CREB3L4: variants seen among roughly 807,000 people sequenced by gnomAD.
CREB3L4 encodes the protein cyclic AMP-responsive element-binding protein 3-like protein 4.
CREB3L4 carries 28 observed loss-of-function variants against 37.0 expected under a neutral mutation model. The ratio of observed to expected loss-of-function variants is 0.76; its 90% CI spans 0.56 to 1.04. The LOEUF (loss-of-function observed/expected upper bound fraction) is 1.04. CREB3L4 is among the 50% of genes least tolerant of loss of function. The probability of loss-of-function intolerance (pLI) is 0.00; values close to 1 mark genes in which losing one functional copy is unlikely to be tolerated. For missense variants in CREB3L4, 462 were observed against 486.0 expected (o/e 0.95, Z 0.46); for synonymous variants, 175 against 192.2 (o/e 0.91, Z 0.74).
rs1166060181 is a variant in CREB3L4 at position 153,972,697 on chromosome 1, G to A, written c.544-47G>A. ...GTAGCCTGGGTGCTGCAAATGGGAT[G>A]ACCCCCTCCTCACTCCTATTGCATC... is the stretch of plus-strand genomic sequence containing the variant. On this transcript the variant is annotated intron_variant, in intron 4 of 9. Transcript: ENST00000368607. The A allele has an allele frequency of 6.0e-6, 9 of 1,495,432 alleles. No individual in the cohort carries two copies. In the East Asian group the frequency reaches 1.1e-4, roughly 19 times the overall value. 92.6% of individuals were successfully genotyped at this position (1,495,432 alleles called of 1,614,324 possible).
chr1:153,971,695 CCAAA>C (rs914993305), intron 4 of CREB3L4, among the ~76,000 whole-genome samples: 72 of 150,910 alleles, frequency 4.8e-4, no homozygotes, highest in Admixed American at 2.3e-3. Context: ...AATAGTTCCA[CCAAA>C]CAGTCACAGG....
intron 4 of CREB3L4, among the ~76,000 whole-genome samples, chr1:153,971,193 C>T (rs1272424827): frequency 6.7e-6 from 1 of 150,258 alleles, no homozygotes. Flanking sequence ...CATGGTGAAA[C>T]CCCATCTCTA....
Position 153,969,115 on chromosome 1 carries a change from G to T in CREB3L4, c.360G>T (p.Gly120=), listed in dbSNP as rs1273423067. The T allele has an allele frequency of 9.3e-6, 15 of 1,614,094 alleles. No individual in the cohort carries two copies. In the South Asian group the frequency reaches 1.6e-4, roughly 18 times the overall value. ...PMLYEVVYEA[G]ALERMQGETG... is the part of the protein sequence containing the mutation. ...TCTATGAGGTTGTCTATGAGGCAGGGGCCCTGGAGAGGATGCAGGGGGAAA... is the reference window on the plus strand; with the variant it reads ...TCTATGAGGTTGTCTATGAGGCAGGTGCCCTGGAGAGGATGCAGGGGGAAA... Residue 120 remains glycine (G), a synonymous_variant, in exon 3 of 10, where the codon GGG becomes GGT. Coordinates refer to ENST00000368607, the MANE Select transcript of CREB3L4 (RefSeq NM_001255978.2).
intron 4 of CREB3L4, among the ~76,000 whole-genome samples, chr1:153,970,760 T>C (rs1300564983): frequency 6.8e-6 from 1 of 146,640 alleles, no homozygotes; most frequent in Non-Finnish European, 1.5e-5. Context: ...TTTTTTTTTT[T>C]TTTTAGACAG....
chr1:153,967,637 G>A (rs1298044168), upstream of CREB3L4: 2 of 151,252 alleles, frequency 1.3e-5, no homozygotes, highest in Non-Finnish European at 1.5e-5. Context: ...GGGCAACAGA[G>A]CGAGACCCTG....
chr1:153,968,932 C>T lies in CREB3L4; in HGVS notation c.177C>T (p.Gly59=), dbSNP rs996387914. The part of the protein sequence containing the change: ...GWKSGGDRGC[G]LQESEPEDFL... ...TATATAACCTTTTCCTACTGTAGGGCCTTCAAGAGAGTGAGCCTGAAGATT... is the reference window on the plus strand; with the variant it reads ...TATATAACCTTTTCCTACTGTAGGGTCTTCAAGAGAGTGAGCCTGAAGATT... The change falls in exon 3 of 10, where the codon GGC becomes GGT. Residue 59 remains glycine (G), a splice_region_variant and synonymous_variant. Transcript: ENST00000368607. 1.2e-6 allele frequency: 2 copies of T among 1,608,098 alleles called. No homozygotes were observed. The highest frequency in any genetic ancestry group is 8.5e-7 in the Non-Finnish European group (1 of 1,176,662).
Position 153,974,195 on chromosome 1 carries a change from A to T in CREB3L4, c.*130A>T. ...GGTCCAAATCACTTCAGGACACCCCAAGAGATGTCCTTTAGTCTCTGCCTG... is the reference window on the plus strand; with the variant it reads ...GGTCCAAATCACTTCAGGACACCCCTAGAGATGTCCTTTAGTCTCTGCCTG... On this transcript the variant is annotated 3_prime_UTR_variant, in exon 10 of 10. Coordinates refer to ENST00000368607, the MANE Select transcript of CREB3L4 (RefSeq NM_001255978.2). The T allele has an allele frequency of 1.3e-6, 1 of 776,698 alleles. No individual in the cohort carries two copies. The highest frequency in any genetic ancestry group is 2.0e-6 in the Non-Finnish European group (1 of 488,162). The allele number at this position is 776,698 out of a possible 1,614,324, so 48.1% of individuals were successfully genotyped here.
In CREB3L4 at chr1:153,972,803, G is replaced by C. The variant is rs770173370; in HGVS notation, c.603G>C (p.Gly201=). Residue 201 remains glycine (G), a synonymous_variant, in exon 5 of 10, where the codon GGG becomes GGC. Transcript: ENST00000368607. ...DEEKRLLGQE[G]VSLPSHLPLT... ...AGAAGCGTCTGCTGGGGCAGGAAGG[G>C]GTTTCCCTGCCCTCTCACCTGCCCC... 1.2e-6 allele frequency: 2 copies of C among 1,613,724 alleles called. No homozygotes were observed.
chr1:153,968,896 C>T (rs1477901626), intron 2 of CREB3L4, 34 bp from the exon 3 acceptor site: 9 of 1,568,158 alleles, frequency 5.7e-6, no homozygotes, highest in Admixed American at 5.6e-5. Flanking sequence ...CAAAATTCTT[C>T]CCTGCACATA....
chr1:153,969,178 T>C lies in CREB3L4; in HGVS notation c.421+2T>C, dbSNP rs1365611516. 6.2e-7 allele frequency: 1 copy of C among 1,613,926 alleles called. No homozygotes were observed. Among genetic ancestry groups the C allele is most frequent in the East Asian group, 2.2e-5 (1 of 44,896 alleles). ...TAGGCCTTATCTCCATCCAGCTAGGTCAGTGTTCTTTGTGGGAAGGGGGAA... is the reference window on the plus strand; with the variant it reads ...TAGGCCTTATCTCCATCCAGCTAGGCCAGTGTTCTTTGTGGGAAGGGGGAA... On this transcript the variant is annotated splice_donor_variant, in intron 3 of 9. Transcript: ENST00000368607. LOFTEE classifies it high-confidence loss of function.
chr1:153,969,688 G>C (rs1317555715), intron 4 of CREB3L4: 2 of 467,612 alleles, frequency 4.3e-6, no homozygotes, highest in Non-Finnish European at 7.8e-6. Flanking sequence ...ACGGCTCACT[G>C]CATCCTCAAC....
Position 153,973,949 on chromosome 1 carries a change from G to T in CREB3L4, c.1072G>T (p.Glu358Ter). 6.2e-7 allele frequency: 1 copy of T among 1,614,154 alleles called. No individual in the cohort carries two copies. Among genetic ancestry groups the T allele is most frequent in the Admixed American group, 1.7e-5 (1 of 60,028 alleles). Reference protein sequence around the residue: ...ETQVVESRLREPPGAKDANGS... With the variant: ...ETQVVESRLR ...CCAAGTGGTAGAGTCCAGACTGAGG[G>T]AGCCACCTGGAGCCAAGGATGCAAA... The change falls in exon 10 of 10, where the codon GAG becomes TAG. Residue 358 changes from glutamate (E) to a stop codon, truncating the protein, a stop_gained. Transcript: ENST00000368607. LOFTEE classifies it low-confidence loss of function (END_TRUNC).
At chr1:153,973,780 G>A in intron 9 of CREB3L4, 64 bp downstream of exon 9, 3 of 1,558,640 alleles carry the variant, frequency 1.9e-6, no homozygotes, top group Non-Finnish European at 1.8e-6. Context: ...GTTCTCCAAG[G>A]TCGTCAAGAA....
upstream of CREB3L4, chr1:153,967,725 T>C: frequency 6.6e-6 from 1 of 152,198 alleles, no homozygotes; most frequent in East Asian, 1.9e-4. Context: ...ACAGCCAAAC[T>C]GTCTCCGACC....
Sources: allele counts gnomAD v4.1 joint callset (sites outside exome capture counted in the v4.1 genomes callset), GRCh38; gene constraint gnomAD v4.1.1; transcripts MANE v1.5; gene names NCBI Gene and HGNC (gene_info 2026-07-23, HGNC 2026-07-21).